The following FOSL2 variants were observed in gnomAD, a reference collection of about 807,000 sequenced individuals.
The protein encoded by FOSL2 is fos-related antigen 2.
In FOSL2, 3 loss-of-function variants were observed where a neutral mutation model predicts 27.7. The observed-to-expected ratio is 0.11, with a 90% CI of 0.05 to 0.28. The LOEUF is 0.28. Ranked by LOEUF, FOSL2 falls within the 10% of genes least tolerant of loss-of-function variation. The pLI is 1.00. For synonymous variants in FOSL2, 179 were observed against 190.1 expected, an observed-to-expected ratio of 0.94 and a Z score of 0.48; for missense variants, 333 against 445.1, an observed-to-expected ratio of 0.75 and a Z score of 2.27.
intron 1 of FOSL2, chr2:28,397,227 TAAA>T (rs900984214): frequency 2.6e-5 from 4 of 152,024 alleles, no homozygotes; most frequent in Admixed American, 2.6e-4. Flanking sequence ...AAAATAAAAA[TAAA>T]AAAAGGAGTG....
intron 3 of FOSL2, among the ~76,000 whole-genome samples, chr2:28,410,187 T>TAG (rs751065399): frequency 6.6e-5 from 10 of 152,212 alleles, no homozygotes; most frequent in Non-Finnish European, 1.2e-4. Context: ...TCGGAGGTGT[T>TAG]AGAGCCGGGG....
In FOSL2 at chr2:28,415,731, A is replaced by G. The variant is rs567010929; in HGVS notation, c.*3283A>G. The G allele has an allele frequency of 1.7e-4, 26 of 152,358 alleles. No individual in the cohort carries two copies. Among genetic ancestry groups the G allele is most frequent in the African/African-American group, 6.3e-4 (26 of 41,592 alleles). 9.4% of individuals were successfully genotyped at this position (152,358 alleles called of 1,614,324 possible). The stretch of plus-strand genomic sequence containing the variant: ...CAGGCACTGTGTTAGGCGCTTTTAT[A>G]TAGATCCTCGTTAGGATGAGACTAA... On this transcript the variant is annotated 3_prime_UTR_variant, in exon 4 of 4. Transcript: ENST00000264716.
chr2:28,402,965 A>G (rs958413067), intron 1 of FOSL2, among the ~76,000 whole-genome samples: 4 of 152,196 alleles, frequency 2.6e-5, no homozygotes, highest in African/African-American at 9.7e-5. Context: ...ATGGTGTCTG[A>G]CATTTAGTAA....
At position 28,393,434 on chromosome 2, in the gene FOSL2, C is replaced by A; in HGVS notation, c.-287C>A. 2 of 394,082 alleles carry A rather than the reference C, an allele frequency of 5.1e-6. No individual in the cohort carries two copies. The highest frequency in any genetic ancestry group is 9.1e-6 in the Non-Finnish European group (2 of 218,630). The allele number at this position is 394,082 out of a possible 1,614,324, so 24.4% of individuals were successfully genotyped here. ...GGGAGGGCGCGCGCAGGGGAGGGACCGAGAGACGCGCCGACTTTTTAGAGG... is the reference window on the plus strand; with the variant it reads ...GGGAGGGCGCGCGCAGGGGAGGGACAGAGAGACGCGCCGACTTTTTAGAGG... On this transcript the variant is annotated 5_prime_UTR_variant, in exon 1 of 4. Transcript: ENST00000264716. The surrounding 1 kb of genome is among the most constrained non-coding windows in gnomAD (Gnocchi z 4.6).
chr2:28,410,649 C>A, intron 3 of FOSL2: 1 of 490,874 alleles, frequency 2.0e-6, no homozygotes, highest in Non-Finnish European at 2.6e-6. Context: ...CACACCTCTT[C>A]CCCTCCCACA....
In FOSL2 at chr2:28,412,228, G is replaced by A. The variant is rs138278678; in HGVS notation, c.761G>A (p.Gly254Asp). The change falls in exon 4 of 4, where the codon GGC becomes GAC. Residue 254 changes from glycine (G) to aspartate (D), a missense_variant. Coordinates refer to ENST00000264716, the MANE Select transcript of FOSL2 (RefSeq NM_005253.4). The surrounding 1 kb of genome is among the most constrained non-coding windows in gnomAD (Gnocchi z 7.1). ...SVIKPISIAG[G>D]FYGEEPLHTP... ...ATCAAGCCCATCAGCATTGCTGGGG[G>A]CTTCTACGGTGAGGAGCCCCTGCAC... 2 of 1,613,712 alleles carry A rather than the reference G, an allele frequency of 1.2e-6. No individual in the cohort carries two copies. Among genetic ancestry groups the A allele is most frequent in the Non-Finnish European group, 1.7e-6 (2 of 1,179,958 alleles).
intron 1 of FOSL2, chr2:28,396,718 G>A (rs1409933725): frequency 6.6e-6 from 1 of 150,838 alleles, no homozygotes; most frequent in Non-Finnish European, 1.5e-5. Flanking sequence ...AATAAATCAA[G>A]GGCAGTATTT....
chr2:28,407,715 A>G (rs976542116), intron 2 of FOSL2, among the ~76,000 whole-genome samples: 3 of 152,210 alleles, frequency 2.0e-5, no homozygotes, highest in African/African-American at 7.2e-5. Flanking sequence ...TCAACGTCTG[A>G]TAACTGAATG....
At chr2:28,400,509 T>C (rs543803584) in intron 1 of FOSL2, among the ~76,000 whole-genome samples, 2 of 152,296 alleles carry the variant, frequency 1.3e-5, no homozygotes, top group Non-Finnish European at 2.9e-5. Flanking sequence ...TTGAAACTTT[T>C]GTGTGTCTCC....
At chr2:28,397,769 G>A (rs185294122) in intron 1 of FOSL2, among the ~76,000 whole-genome samples, 3 of 152,162 alleles carry the variant, frequency 2.0e-5, no homozygotes, top group Admixed American at 6.5e-5. Context: ...TGAATGCTGC[G>A]GCTATGCTTA....
intron 2 of FOSL2, among the ~76,000 whole-genome samples, chr2:28,407,803 T>C (rs937003231): frequency 1.3e-5 from 2 of 152,192 alleles, no homozygotes; most frequent in Admixed American, 6.5e-5. Flanking sequence ...GAGAGAGGCA[T>C]TGGGGTCACA....
At position 28,414,056 on chromosome 2, in the gene FOSL2, A is replaced by G. The variant is rs1362222298; in HGVS notation, c.*1608A>G. On this transcript the variant is annotated 3_prime_UTR_variant, in exon 4 of 4. Transcript: ENST00000264716. ...GTTTCTTGTCCAGCAGGGCCTTGAC[A>G]GGAATCCAGGGAGTAGCTCCTGGCC... The G allele has an allele frequency of 5.2e-6, 2 of 383,756 alleles. No homozygotes were observed. Among genetic ancestry groups the G allele is most frequent in the African/African-American group, 2.1e-5 (1 of 48,358 alleles). The allele number at this position is 383,756 out of a possible 1,614,324, so 23.8% of individuals were successfully genotyped here. A position where few individuals can be genotyped will look rare whatever the true frequency, so the allele number is the denominator to read the frequency against.
chr2:28,408,069 C>T lies in FOSL2; in HGVS notation c.355-690C>T, dbSNP rs1158877593. ...GCAGCAGGATTTTACCTGCTGGGGG[C>T]TCCTCTTCCTTTTGCATGTCCTGTC... On this transcript the variant is annotated intron_variant, in intron 2 of 3. Transcript: ENST00000264716. The surrounding 1 kb of genome is among the most constrained non-coding windows in gnomAD (Gnocchi z 4.1). 3.3e-5 allele frequency among the ~76,000 whole-genome samples: 5 copies of T among 152,184 alleles called. No homozygotes were observed. The highest frequency in any genetic ancestry group is 7.3e-5 in the Non-Finnish European group (5 of 68,048).
At chr2:28,411,722 C>T (rs1227807959) in intron 3 of FOSL2, among the ~76,000 whole-genome samples, 4 of 137,404 alleles carry the variant, frequency 2.9e-5, no homozygotes, top group South Asian at 4.1e-4. Context: ...TGTTGTCTTA[C>T]CCCCTCTCCA....
rs937012937 is a variant in FOSL2 at position 28,408,182 on chromosome 2, G to T, written c.355-577G>T. ...CCCTGGGATTGGCAGAGGAAATCGGGAGTGGAGTGGCACTCTTGGCCCTCC... is the reference window on the plus strand; with the variant it reads ...CCCTGGGATTGGCAGAGGAAATCGGTAGTGGAGTGGCACTCTTGGCCCTCC... On this transcript the variant is annotated intron_variant, in intron 2 of 3. Coordinates refer to ENST00000264716, the MANE Select transcript of FOSL2 (RefSeq NM_005253.4). This position sits in a 1 kb window ranked among gnomAD's most constrained non-coding sequence, Gnocchi z 4.1. 2.6e-5 allele frequency among the ~76,000 whole-genome samples: 4 copies of T among 152,184 alleles called. No homozygotes were observed. The highest frequency in any genetic ancestry group is 9.7e-5 in the African/African-American group (4 of 41,436).
Position 28,393,863 on chromosome 2 carries a change from C to A in FOSL2, c.102+41C>A. 1 of 1,381,816 alleles carries A rather than the reference C, an allele frequency of 7.2e-7. No individual in the cohort carries two copies. The highest frequency in any genetic ancestry group is 1.0e-6 in the Non-Finnish European group (1 of 1,003,436). 85.6% of individuals were successfully genotyped at this position (1,381,816 alleles called of 1,614,324 possible). On this transcript the variant is annotated intron_variant, in intron 1 of 3. Transcript: ENST00000264716. The surrounding 1 kb of genome is among the most constrained non-coding windows in gnomAD (Gnocchi z 4.6). ...GGTGCACCTGGCGGCGCGGGCGGAC[C>A]CCTGCCCTCTTCTCGCCGCCACTGC...
rs902796676 is a variant in FOSL2 at position 28,393,109 on chromosome 2, G to C, written c.-612G>C. The C allele has an allele frequency of 2.4e-5, 9 of 381,022 alleles. No individual in the cohort carries two copies. Among genetic ancestry groups the C allele is most frequent in the African/African-American group, 1.9e-4 (9 of 46,620 alleles). The allele number at this position is 381,022 out of a possible 1,614,324, so 23.6% of individuals were successfully genotyped here. On this transcript the variant is annotated 5_prime_UTR_variant, in exon 1 of 4. Coordinates refer to ENST00000264716, the MANE Select transcript of FOSL2 (RefSeq NM_005253.4). This position sits in a 1 kb window ranked among gnomAD's most constrained non-coding sequence, Gnocchi z 4.6. ...GAGCCCCACGAGCCGCTGTCCCCCT[G>C]GCGCGCTCGGGGCCGCGGGACGGGC...
chr2:28,397,360 G>A (rs945085626), intron 1 of FOSL2, among the ~76,000 whole-genome samples: 2 of 151,762 alleles, frequency 1.3e-5, no homozygotes, highest in South Asian at 2.1e-4. Flanking sequence ...TTCAGTTGGT[G>A]GGAATGTGGG....
At chr2:28,394,035 C>T (rs1407261872) in intron 1 of FOSL2, among the ~76,000 whole-genome samples, 1 of 143,262 alleles carries the variant, frequency 7.0e-6, no homozygotes, top group African/African-American at 2.6e-5. Context: ...ATGCCCTTTT[C>T]CTCTCACGTT....
Sources: allele counts gnomAD v4.1 joint callset (sites outside exome capture counted in the v4.1 genomes callset), GRCh38; gene constraint gnomAD v4.1.1; non-coding constraint Gnocchi (gnomAD v3.1); transcripts MANE v1.5; gene names NCBI Gene and HGNC (gene_info 2026-07-23, HGNC 2026-07-21).